The following CMTM7 variants were observed in gnomAD, a reference collection of about 807,000 sequenced individuals.
CMTM7 encodes CKLF like MARVEL transmembrane domain containing 7.
In CMTM7, 7 loss-of-function variants were observed where a neutral mutation model predicts 19.3. The ratio of observed to expected loss-of-function variants is 0.36; its 90% CI spans 0.21 to 0.68. CMTM7 has a LOEUF of 0.68. Among genes scored for constraint, CMTM7 ranks in the 30% least tolerant of loss-of-function variants. The pLI is 0.60. For synonymous variants in CMTM7, 87 were observed against 99.3 expected (o/e 0.88, Z 0.74); for missense variants, 193 against 232.6 (o/e 0.83, Z 1.11).
At chr3:32,399,233 G>A (rs904909621) in intron 1 of CMTM7, among the ~76,000 whole-genome samples, 3 of 151,402 alleles carry the variant, frequency 2.0e-5, no homozygotes, top group Non-Finnish European at 4.4e-5. Context: ...CGCCCCCTAG[G>A]GGTTATTTTG....
intron 1 of CMTM7, among the ~76,000 whole-genome samples, chr3:32,410,687 C>T (rs1435589067): frequency 1.3e-5 from 2 of 151,758 alleles, no homozygotes; most frequent in African/African-American, 2.4e-5. Flanking sequence ...CAGCCCACTC[C>T]CACCCCCCAC....
intron 1 of CMTM7, among the ~76,000 whole-genome samples, chr3:32,437,256 G>A (rs891256287): frequency 1.3e-5 from 2 of 152,152 alleles, no homozygotes; most frequent in African/African-American, 4.8e-5. Context: ...TGGCTGGTCT[G>A]TGGGACCCTT....
At chr3:32,404,802 T>A (rs1696065826) in intron 1 of CMTM7, among the ~76,000 whole-genome samples, 1 of 152,214 alleles carries the variant, frequency 6.6e-6, no homozygotes, top group African/African-American at 2.4e-5. Context: ...GGTGGCAGGA[T>A]GTCATATGCC....
Position 32,410,717 on chromosome 3 carries a change from GT to G in CMTM7, c.159+18656del, listed in dbSNP as rs144381844. On this transcript the variant is annotated intron_variant, in intron 1 of 4. Coordinates refer to ENST00000334983, the MANE Select transcript of CMTM7 (RefSeq NM_138410.4). Reference sequence around the variant, plus strand: ...CCCCACAGTTTGCGATAGAGATGCAGTTTTCGTAGTAGCTGTTAGCCTGTTG... The same window carrying G: ...CCCCACAGTTTGCGATAGAGATGCAGTTTCGTAGTAGCTGTTAGCCTGTTG... Among the ~76,000 whole-genome samples the G allele has an allele frequency of 5.6e-3, 850 of 152,328 alleles. 8 individuals are homozygous for G. The highest frequency in any genetic ancestry group is 0.019 in the African/African-American group (802 of 41,564).
chr3:32,425,208 G>A (rs80097733), intron 1 of CMTM7, among the ~76,000 whole-genome samples: 72 of 152,300 alleles, frequency 4.7e-4, no homozygotes, highest in African/African-American at 1.3e-3. Flanking sequence ...ACATAAGTGC[G>A]TAATGAGTAT....
At chr3:32,423,651 G>A (rs1696380009) in intron 1 of CMTM7, among the ~76,000 whole-genome samples, 1 of 152,236 alleles carries the variant, frequency 6.6e-6, no homozygotes, top group Non-Finnish European at 1.5e-5. Flanking sequence ...TTCAGAATGA[G>A]CAGAACTGCA....
chr3:32,409,817 C>G (rs1559403200), intron 1 of CMTM7, among the ~76,000 whole-genome samples: 1 of 152,172 alleles, frequency 6.6e-6, no homozygotes, highest in East Asian at 1.9e-4. Flanking sequence ...TCACAAAAGT[C>G]CCTTTTGCAA....
chr3:32,402,056 C>G (rs1483104794), intron 1 of CMTM7, among the ~76,000 whole-genome samples: 2 of 152,222 alleles, frequency 1.3e-5, no homozygotes, highest in South Asian at 2.1e-4. Flanking sequence ...TGAGCCCGCT[C>G]TCTTTAGTTT....
chr3:32,434,945 G>A (rs549470257), intron 1 of CMTM7, among the ~76,000 whole-genome samples: 2 of 152,286 alleles, frequency 1.3e-5, no homozygotes, highest in East Asian at 1.9e-4. Flanking sequence ...TAAATAGTAC[G>A]ATACTATTTC....
At chr3:32,445,497 T>C (rs1024200116) in intron 2 of CMTM7, among the ~76,000 whole-genome samples, 1 of 152,076 alleles carries the variant, frequency 6.6e-6, no homozygotes, top group African/African-American at 2.4e-5. Context: ...TATGGTGTCT[T>C]ACATTGTTTT....
intron 1 of CMTM7, among the ~76,000 whole-genome samples, chr3:32,394,116 T>C (rs1468761696): frequency 6.6e-6 from 1 of 152,248 alleles, no homozygotes; most frequent in Non-Finnish European, 1.5e-5. Flanking sequence ...GGGAGCAAAG[T>C]TGCCCTTGCA....
chr3:32,451,975 C>T (rs1004166451), intron 3 of CMTM7: 11 of 819,664 alleles, frequency 1.3e-5, no homozygotes, highest in Non-Finnish European at 1.8e-5. Context: ...AAATGAAATG[C>T]GAACAACGCC....
At chr3:32,445,515 T>G (rs1696740903) in intron 2 of CMTM7, among the ~76,000 whole-genome samples, 1 of 152,054 alleles carries the variant, frequency 6.6e-6, no homozygotes, top group Non-Finnish European at 1.5e-5. Context: ...TTTTTGTTTT[T>G]TTTGTTTTGT....
intron 1 of CMTM7, among the ~76,000 whole-genome samples, chr3:32,416,361 A>ATTTTTTTTTTTTTTTT (rs58085712): frequency 5.5e-5 from 4 of 72,420 alleles, no homozygotes; most frequent in South Asian, 4.7e-4. Flanking sequence ...ATCCGGGCTA[A>ATTTTTTTTTTTTTTTT]TTTTTTTTTT....
chr3:32,411,104 G>T (rs1238324171), intron 1 of CMTM7, among the ~76,000 whole-genome samples: 1 of 152,188 alleles, frequency 6.6e-6, no homozygotes, highest in African/African-American at 2.4e-5. Context: ...TGTGTCAGCC[G>T]CAGGGGATAC....
intron 1 of CMTM7, among the ~76,000 whole-genome samples, chr3:32,423,824 C>T (rs766312421): frequency 2.0e-5 from 3 of 152,166 alleles, no homozygotes; most frequent in Non-Finnish European, 2.9e-5. Flanking sequence ...TTTAAGCCAG[C>T]CCCCCAGGTG....
intron 1 of CMTM7, among the ~76,000 whole-genome samples, chr3:32,410,410 T>C (rs186177657): frequency 6.6e-6 from 1 of 152,364 alleles, no homozygotes; most frequent in East Asian, 1.9e-4. Context: ...CCTTTGGTAA[T>C]AGCACTCCTT....
chr3:32,418,037 G>T (rs1182478128), intron 1 of CMTM7, among the ~76,000 whole-genome samples: 3 of 152,138 alleles, frequency 2.0e-5, no homozygotes, highest in Non-Finnish European at 4.4e-5. Context: ...GCTAAGGCTG[G>T]TCTCGAACTC....
chr3:32,439,891 C>T (rs922280367), intron 1 of CMTM7, among the ~76,000 whole-genome samples: 5 of 152,220 alleles, frequency 3.3e-5, no homozygotes, highest in Non-Finnish European at 4.4e-5. Context: ...TGGGAGCTCT[C>T]CTATTTATTG....
Sources: allele counts gnomAD v4.1 joint callset (sites outside exome capture counted in the v4.1 genomes callset), GRCh38; gene constraint gnomAD v4.1.1; transcripts MANE v1.5; gene names NCBI Gene and HGNC (gene_info 2026-07-23, HGNC 2026-07-21).